The following HS6ST3 variants were observed in gnomAD, a reference collection of about 807,000 sequenced individuals.
HS6ST3 encodes heparan sulfate 6-O-sulfotransferase 3.
A neutral mutation model predicts 36.7 loss-of-function variants in HS6ST3; 12 were observed. The observed-to-expected ratio is 0.33, with a 90% CI of 0.21 to 0.53. The LOEUF (loss-of-function observed/expected upper bound fraction) is 0.53. Among genes scored for constraint, HS6ST3 ranks in the 20% least tolerant of loss-of-function variants. The pLI is 0.95. For missense variants in HS6ST3, 584 were observed against 640.9 expected, an observed-to-expected ratio of 0.91 and a Z score of 0.96; for synonymous variants, 240 against 257.5, an observed-to-expected ratio of 0.93 and a Z score of 0.65.
At chr13:96,522,241 A>G (rs535171218) in intron 1 of HS6ST3, among the ~76,000 whole-genome samples, 2 of 152,186 alleles carry the variant, frequency 1.3e-5, no homozygotes, top group East Asian at 3.9e-4. Flanking sequence ...CTCTTCTTTT[A>G]CATTTGCTGA....
chr13:96,536,121 G>A (rs189739477), intron 1 of HS6ST3, among the ~76,000 whole-genome samples: 1 of 152,098 alleles, frequency 6.6e-6, no homozygotes, highest in Non-Finnish European at 1.5e-5. Context: ...AATTTTCAAC[G>A]TGAAGCATTC....
intron 1 of HS6ST3, among the ~76,000 whole-genome samples, chr13:96,700,803 C>G (rs1875266223): frequency 6.6e-6 from 1 of 152,174 alleles, no homozygotes. Context: ...AAAATTGTTT[C>G]CTTCTGGCCT....
At chr13:96,636,155 G>A (rs1421843113) in intron 1 of HS6ST3, among the ~76,000 whole-genome samples, 1 of 152,150 alleles carries the variant, frequency 6.6e-6, no homozygotes, top group Non-Finnish European at 1.5e-5. Context: ...AAGCCAAGAA[G>A]TGAGGGTACA....
At chr13:96,526,653 G>A (rs1386732860) in intron 1 of HS6ST3, among the ~76,000 whole-genome samples, 1 of 152,140 alleles carries the variant, frequency 6.6e-6, no homozygotes, top group East Asian at 1.9e-4. Context: ...AAAACTTAGG[G>A]TATTAAGTTG....
chr13:96,514,520 G>T (rs139159474), intron 1 of HS6ST3, among the ~76,000 whole-genome samples: 3 of 152,234 alleles, frequency 2.0e-5, no homozygotes, highest in African/African-American at 7.2e-5. Context: ...GTTGGATGAG[G>T]TCATAAGGGT....
At chr13:96,831,028 G>A (rs532059755) in intron 1 of HS6ST3, among the ~76,000 whole-genome samples, 20 of 152,288 alleles carry the variant, frequency 1.3e-4, no homozygotes, top group Admixed American at 5.2e-4. Flanking sequence ...AGATGGGGTT[G>A]GGGTGGGCAG....
chr13:96,768,949 A>G (rs757123672), intron 1 of HS6ST3, among the ~76,000 whole-genome samples: 3 of 152,102 alleles, frequency 2.0e-5, no homozygotes, highest in Non-Finnish European at 4.4e-5. Flanking sequence ...CAGGTTGACA[A>G]CAGGAAAGAC....
intron 1 of HS6ST3, among the ~76,000 whole-genome samples, chr13:96,329,056 T>C (rs879836231): frequency 6.6e-6 from 1 of 150,942 alleles, no homozygotes; most frequent in Non-Finnish European, 1.5e-5. Context: ...ATTGCATCTA[T>C]TTGATTCTTC....
At chr13:96,681,731 C>A (rs546825422) in intron 1 of HS6ST3, among the ~76,000 whole-genome samples, 1 of 152,034 alleles carries the variant, frequency 6.6e-6, no homozygotes, top group African/African-American at 2.4e-5. Context: ...TCCATTACTC[C>A]CACCTCCCCC....
intron 1 of HS6ST3, among the ~76,000 whole-genome samples, chr13:96,103,953 G>GTTTTTTTTTTTT (rs58261240): frequency 6.9e-6 from 1 of 145,632 alleles, no homozygotes; most frequent in Non-Finnish European, 1.5e-5. Flanking sequence ...GGTTTGAGGT[G>GTTTTTTTTTTTT]TTTTTTTTTT....
intron 1 of HS6ST3, among the ~76,000 whole-genome samples, chr13:96,798,453 G>A (rs945347724): frequency 8.5e-5 from 13 of 152,100 alleles, no homozygotes; most frequent in Non-Finnish European, 1.2e-4. Flanking sequence ...CAAGTCATCA[G>A]TGTTCAGAAA....
chr13:96,174,425 G>A (rs2139336288), intron 1 of HS6ST3, among the ~76,000 whole-genome samples: 1 of 151,980 alleles, frequency 6.6e-6, no homozygotes, highest in Admixed American at 6.6e-5. Flanking sequence ...ATTGAGATGG[G>A]GTCTTACTAT....
intron 1 of HS6ST3, among the ~76,000 whole-genome samples, chr13:96,579,161 C>T (rs2056332793): frequency 6.6e-6 from 1 of 152,006 alleles, no homozygotes; most frequent in African/African-American, 2.4e-5. Context: ...ATCATTAATA[C>T]AAAATAAGTC....
chr13:96,198,884 T>A (rs1178399985), intron 1 of HS6ST3, among the ~76,000 whole-genome samples: 1 of 152,220 alleles, frequency 6.6e-6, no homozygotes, highest in Non-Finnish European at 1.5e-5. Flanking sequence ...TTTTCAGCAA[T>A]GCCCCACTCT....
intron 1 of HS6ST3, among the ~76,000 whole-genome samples, chr13:96,260,008 C>T (rs1224324446): frequency 6.6e-6 from 1 of 151,568 alleles, no homozygotes; most frequent in East Asian, 1.9e-4. Context: ...TATATTGTTT[C>T]CTTCTGAATT....
At chr13:96,193,625 G>A (rs1432905255) in intron 1 of HS6ST3, among the ~76,000 whole-genome samples, 2 of 152,080 alleles carry the variant, frequency 1.3e-5, no homozygotes, top group Admixed American at 1.3e-4. Flanking sequence ...CTTCAAAACT[G>A]GAGCAGATGT....
At chr13:96,444,171 A>C (rs1024505084) in intron 1 of HS6ST3, among the ~76,000 whole-genome samples, 1 of 152,186 alleles carries the variant, frequency 6.6e-6, no homozygotes. Flanking sequence ...ACTTTCTTTT[A>C]AATCATGGGC....
chr13:96,667,571 C>T (rs554932720), intron 1 of HS6ST3, among the ~76,000 whole-genome samples: 2 of 152,166 alleles, frequency 1.3e-5, no homozygotes, highest in Admixed American at 6.5e-5. Context: ...GATAATGACT[C>T]GTAAATGTAA....
chr13:96,760,725 A>G (rs1011581810), intron 1 of HS6ST3, among the ~76,000 whole-genome samples: 3 of 152,168 alleles, frequency 2.0e-5, no homozygotes, highest in Non-Finnish European at 4.4e-5. Flanking sequence ...CAAACATCTC[A>G]GACTAATGGA....
Sources: gnomAD v4.1 joint callset for allele counts (sites outside exome capture counted in the v4.1 genomes callset) on GRCh38, gnomAD v4.1.1 for gene constraint, MANE v1.5 for transcripts, NCBI Gene and HGNC (gene_info 2026-07-23, HGNC 2026-07-21) for gene names.